Variants in NRBP1 observed in about 807,000 individuals in gnomAD.
NRBP1 encodes nuclear receptor binding protein 1.
Under a neutral mutation model 76.0 loss-of-function variants are expected in NRBP1, and 10 were observed. The observed-to-expected ratio is 0.13, with a 90% confidence interval of 0.08 to 0.22. The LOEUF (loss-of-function observed/expected upper bound fraction) is 0.22. Ranked by LOEUF, NRBP1 falls within the 10% of genes least tolerant of loss-of-function variation. The pLI is 1.00. For synonymous variants in NRBP1, 235 were observed against 240.2 expected (o/e 0.98, Z 0.20); for missense variants, 344 against 646.0 (o/e 0.53, Z 5.07).
intron 17 of NRBP1, 31 bp downstream of exon 17, chr2:27,441,653 GC>G (rs780210994): frequency 6.2e-7 from 1 of 1,613,164 alleles, no homozygotes; most frequent in Admixed American, 1.7e-5. Flanking sequence ...TGCCCTGGCT[GC>G]CCCCATGCCT....
Position 27,437,003 on chromosome 2 carries a change from C to T in NRBP1, c.746-44C>T. 5 of 1,582,132 alleles carry T rather than the reference C, an allele frequency of 3.2e-6. 1 individual carries two copies. Among genetic ancestry groups the T allele is most frequent in the East Asian group, 2.2e-5 (1 of 44,554 alleles). On this transcript the variant is annotated intron_variant, in intron 8 of 17. Transcript: ENST00000379852. Reference sequence around the variant, plus strand: ...CCTAAGGCATTCCTGCCAACCCTAGCCCCCAATCCTCTGATTAACCAAAGC... The same window carrying T: ...CCTAAGGCATTCCTGCCAACCCTAGTCCCCAATCCTCTGATTAACCAAAGC...
At chr2:27,435,599 A>G (rs1035957433) in intron 7 of NRBP1, 14 of 708,512 alleles carry the variant, frequency 2.0e-5, no homozygotes, top group African/African-American at 1.9e-4. Flanking sequence ...AGTGTACAAC[A>G]TTTCTGTGTG....
chr2:27,429,728 G>A (rs1664027737), intron 1 of NRBP1, among the ~76,000 whole-genome samples: 1 of 152,170 alleles, frequency 6.6e-6, no homozygotes, highest in Admixed American at 6.6e-5. Context: ...AAATTAGGAA[G>A]GTGGGGGGGA....
At position 27,433,459 on chromosome 2, in the gene NRBP1, G is replaced by A; in HGVS notation, c.186G>A (p.Gly62=). The A allele has an allele frequency of 1.2e-6, 2 of 1,614,236 alleles. No individual in the cohort carries two copies. The highest frequency in any genetic ancestry group is 1.7e-4 in the Middle Eastern group (1 of 6,060). Residue 62 remains glycine, a synonymous_variant, in exon 2 of 18, where the codon GGG becomes GGA. Coordinates refer to ENST00000379852, the MANE Select transcript of NRBP1 (RefSeq NM_013392.4). ...AGATTTTGGAAGAGTCGCCCTGTGG[G>A]CGCTGGCAGAAGAGGCGAGAAGAGG... The part of the protein sequence containing the change: ...ESEILEESPC[G]RWQKRREEVN...
At chr2:27,428,554 C>T (rs1410911035), upstream of NRBP1, 2 of 396,582 alleles carry the variant, frequency 5.0e-6, no homozygotes, top group East Asian at 7.1e-5. Context: ...CCCAGAACGT[C>T]ACCCAATGGA....
Position 27,433,476 on chromosome 2 carries a change from G to A in NRBP1, c.203G>A (p.Arg68Gln). 2 of 1,614,060 alleles carry A rather than the reference G, an allele frequency of 1.2e-6. No homozygotes were observed. Among genetic ancestry groups the A allele is most frequent in the Non-Finnish European group, 8.5e-7 (1 of 1,179,972 alleles). Reference protein sequence around the residue: ...ESPCGRWQKRREEVNQRNVPG... With the variant: ...ESPCGRWQKRQEEVNQRNVPG... ...CCCTGTGGGCGCTGGCAGAAGAGGCGAGAAGAGGTAAGGTTATGGTACAGT... is the reference window on the plus strand; with the variant it reads ...CCCTGTGGGCGCTGGCAGAAGAGGCAAGAAGAGGTAAGGTTATGGTACAGT... Residue 68 changes from arginine to glutamine, a missense_variant, in exon 2 of 18, where the codon CGA (arginine) becomes CAA (glutamine). By Grantham distance (43) the Arg-to-Gln change is conservative. Coordinates refer to ENST00000379852, the MANE Select transcript of NRBP1 (RefSeq NM_013392.4).
chr2:27,437,787 G>A (rs1664368453), intron 10 of NRBP1, among the ~76,000 whole-genome samples: 1 of 151,886 alleles, frequency 6.6e-6, no homozygotes, highest in Non-Finnish European at 1.5e-5. Flanking sequence ...GCAGGAGAAT[G>A]GCATGAACCC....
In NRBP1 at chr2:27,433,351, C is replaced by T. The variant is rs780030055; in HGVS notation, c.78C>T (p.Gly26=). 5.0e-6 allele frequency: 8 copies of T among 1,614,116 alleles called. No individual in the cohort carries two copies. The highest frequency in any genetic ancestry group is 6.8e-6 in the Non-Finnish European group (8 of 1,180,048). ...TAGAATCCTCATCTTCAGCTCCTGGCCTGACATCAGTGTCACCTCCTGTGA... is the reference window on the plus strand; with the variant it reads ...TAGAATCCTCATCTTCAGCTCCTGGTCTGACATCAGTGTCACCTCCTGTGA... ...PKVESSSSAP[G]LTSVSPPVTS... Residue 26 remains glycine (G), a synonymous_variant, in exon 2 of 18, where the codon GGC becomes GGT. Coordinates refer to ENST00000379852, the MANE Select transcript of NRBP1 (RefSeq NM_013392.4).
chr2:27,441,423 C>A, intron 16 of NRBP1, 93 bp downstream of exon 16: 1 of 1,400,512 alleles, frequency 7.1e-7, no homozygotes, highest in Non-Finnish European at 1.0e-6. Flanking sequence ...AAGGCAGTAA[C>A]ACATTGACTC....
At chr2:27,439,718 C>A (rs370530670) in intron 10 of NRBP1, 48 bp from the exon 11 acceptor site, 140 of 1,610,158 alleles carry the variant, frequency 8.7e-5, no homozygotes, top group Non-Finnish European at 1.1e-4. Flanking sequence ...GATGAACACA[C>A]TGGGGGCTTG....
chr2:27,433,834 G>A (rs766095786), intron 3 of NRBP1, 39 bp downstream of exon 3: 1 of 1,613,690 alleles, frequency 6.2e-7, no homozygotes, highest in Non-Finnish European at 8.5e-7. Context: ...GGGAATGTTG[G>A]AACACTGATG....
intron 7 of NRBP1, 66 bp from the exon 8 acceptor site, chr2:27,436,685 CCT>C (rs1251126952): frequency 7.1e-7 from 1 of 1,406,044 alleles, no homozygotes. Flanking sequence ...GCTTTTGGGG[CCT>C]CTCTCTGGAG....
chr2:27,440,995 G>A, intron 14 of NRBP1, 55 bp downstream of exon 14: 2 of 1,611,442 alleles, frequency 1.2e-6, no homozygotes, highest in South Asian at 1.1e-5. Context: ...AGGGAGAGAG[G>A]ACATCTCAAA....
upstream of NRBP1, chr2:27,428,461 G>T (rs956034091): frequency 7.7e-6 from 3 of 392,146 alleles, no homozygotes; most frequent in African/African-American, 2.1e-5. Flanking sequence ...ACCCCTCCGA[G>T]AGGTCTCGGC....
chr2:27,442,098 C>G lies in NRBP1; in HGVS notation c.*286C>G, dbSNP rs1664606692. On this transcript the variant is annotated 3_prime_UTR_variant, in exon 18 of 18. Transcript: ENST00000379852. ...CGCTGATCTGCCGGCTCCCGCCCAG[C>G]CTGTGTGGAAAGGAGGCCCACGGGC... is the stretch of plus-strand genomic sequence containing the variant. The G allele has an allele frequency of 1.9e-6, 1 of 533,926 alleles. No homozygotes were observed. Among genetic ancestry groups the G allele is most frequent in the African/African-American group, 2.0e-5 (1 of 50,930 alleles). 33.1% of individuals were successfully genotyped at this position (533,926 alleles called of 1,614,324 possible).
intron 1 of NRBP1, among the ~76,000 whole-genome samples, chr2:27,429,526 C>T (rs1033214947): frequency 8.6e-6 from 1 of 115,674 alleles, no homozygotes; most frequent in Non-Finnish European, 1.7e-5. Flanking sequence ...TGGCTGGAGG[C>T]GGCGAGAATC....
At chr2:27,439,139 AAAG>A (rs1259282928) in intron 10 of NRBP1, among the ~76,000 whole-genome samples, 2 of 152,144 alleles carry the variant, frequency 1.3e-5, no homozygotes, top group Non-Finnish European at 2.9e-5. Flanking sequence ...AAGATTTAGA[AAAG>A]AAGATAGGCA....
intron 1 of NRBP1, chr2:27,429,092 C>CGGCCT (rs993039563): frequency 5.4e-5 from 9 of 165,780 alleles, no homozygotes; most frequent in South Asian, 1.7e-4. Flanking sequence ...GGAAGCTCGG[C>CGGCCT]GGCCTGGCCT....
Position 27,428,704 on chromosome 2 carries a change from C to T in NRBP1, c.-48C>T. 2.5e-6 allele frequency: 1 copy of T among 398,248 alleles called. No individual in the cohort carries two copies. Among genetic ancestry groups the T allele is most frequent in the Non-Finnish European group, 4.4e-6 (1 of 225,806 alleles). The allele number at this position is 398,248 out of a possible 1,614,324, so 24.7% of individuals were successfully genotyped here. A position where few individuals can be genotyped will look rare whatever the true frequency, so the allele number is the denominator to read the frequency against. On this transcript the variant is annotated 5_prime_UTR_variant, in exon 1 of 18. Transcript: ENST00000379852. ...CCCGGAACCCGAGCTGGAGCTGAAG[C>T]GCAGGCTGCGGGGCGCGGAGTCGGG...
Sources: gnomAD v4.1 joint callset for allele counts (sites outside exome capture counted in the v4.1 genomes callset) on GRCh38, gnomAD v4.1.1 for gene constraint, MANE v1.5 for transcripts, NCBI Gene and HGNC (gene_info 2026-07-23, HGNC 2026-07-21) for gene names.